Variants in STAG1 observed in about 807,000 individuals in gnomAD.
The protein encoded by STAG1 is cohesin subunit SA-1.
STAG1 carries 26 observed loss-of-function variants against 170.9 expected under a neutral mutation model. That is an observed-to-expected ratio of 0.15 (90% CI 0.11 to 0.21). The LOEUF (loss-of-function observed/expected upper bound fraction) is 0.21, where lower values mean the gene tolerates loss of function less well. Ranked by LOEUF, STAG1 falls within the 10% of genes least tolerant of loss-of-function variation. The pLI, the probability that STAG1 is intolerant of heterozygous loss-of-function variation, is 1.00. For synonymous variants in STAG1, 514 were observed against 497.7 expected (o/e 1.03, Z -0.44); for missense variants, 964 against 1,509.5 (o/e 0.64, Z 5.99).
At chr3:136,429,084 C>T (rs1316856025) in intron 16 of STAG1, among the ~76,000 whole-genome samples, 1 of 152,072 alleles carries the variant, frequency 6.6e-6, no homozygotes, top group East Asian at 1.9e-4. Context: ...TTGCAGTAAG[C>T]CCAGATAGCA....
rs574337614 is a variant in STAG1, at chr3:136,743,158, G to A, written c.-84+9037C>T. Among the ~76,000 whole-genome samples the A allele has an allele frequency of 9.9e-5, 15 of 152,252 alleles. No homozygotes were observed. The South Asian group carries it at 1.5e-3, about 15-fold the overall frequency. ...GAGAAGGGTGAACAGCTTGAGGCCAGGAATTCAAAACCAGTATGGCCAACA... is the reference window on the plus strand; with the variant it reads ...GAGAAGGGTGAACAGCTTGAGGCCAAGAATTCAAAACCAGTATGGCCAACA... On this transcript the variant is annotated intron_variant, in intron 1 of 33. Transcript: ENST00000383202.
At chr3:136,464,847 A>C (rs1253101014) in intron 13 of STAG1, 34 bp downstream of exon 13, 2 of 1,545,750 alleles carry the variant, frequency 1.3e-6, no homozygotes, top group Admixed American at 1.8e-5. Context: ...CAACATAGAA[A>C]AGTAGAACCG....
intron 1 of STAG1, among the ~76,000 whole-genome samples, chr3:136,711,736 T>C (rs970788110): frequency 6.6e-6 from 1 of 151,784 alleles, no homozygotes; most frequent in Admixed American, 6.6e-5. Context: ...CACTCCAGAG[T>C]GATGGCAAAA....
At chr3:136,750,405 A>T (rs1020023940) in intron 1 of STAG1, among the ~76,000 whole-genome samples, 2 of 152,180 alleles carry the variant, frequency 1.3e-5, no homozygotes, top group African/African-American at 4.8e-5. Flanking sequence ...TCGGTCCAGG[A>T]CCCACTCCTT....
In STAG1 at chr3:136,720,976, G is replaced by GTTTT. The variant is rs1056863329; in HGVS notation, c.-84+31218_-84+31219insAAAA. Among the ~76,000 whole-genome samples the GTTTT allele has an allele frequency of 1.2e-4, 19 of 152,110 alleles. 1 individual carries two copies. The highest frequency in any genetic ancestry group is 4.6e-4 in the African/African-American group (19 of 41,424). ...ATTACCAATACAAGTGACGCAGAGA[G>GTTTT]GTAAAAGTAATTTACAGAAGCACAT... On this transcript the variant is annotated intron_variant, in intron 1 of 33. Coordinates refer to ENST00000383202, the MANE Select transcript of STAG1 (RefSeq NM_005862.3).
At chr3:136,384,635 T>C (rs552275425) in intron 22 of STAG1, among the ~76,000 whole-genome samples, 3 of 152,122 alleles carry the variant, frequency 2.0e-5, no homozygotes, top group African/African-American at 7.2e-5. Flanking sequence ...CCAGACGTGA[T>C]GGCATACGCC....
At chr3:136,610,646 C>CT (rs890077989) in intron 3 of STAG1, among the ~76,000 whole-genome samples, 5 of 151,498 alleles carry the variant, frequency 3.3e-5, no homozygotes, top group Admixed American at 6.6e-5. Context: ...GAATTACAAA[C>CT]TTTTTTTTTA....
intron 21 of STAG1, chr3:136,417,562 A>G (rs955932690): frequency 3.7e-5 from 9 of 242,670 alleles, no homozygotes; most frequent in African/African-American, 1.6e-4. Flanking sequence ...CGGCTGGAAT[A>G]TACCCATCAT....
At chr3:136,651,734 A>C (rs1384049679) in intron 1 of STAG1, among the ~76,000 whole-genome samples, 1 of 152,176 alleles carries the variant, frequency 6.6e-6, no homozygotes, top group Non-Finnish European at 1.5e-5. Flanking sequence ...AAAAGAGCTC[A>C]AAGTACCTCA....
chr3:136,464,976 T>G lies in STAG1; in HGVS notation c.1218A>C (p.Glu406Asp). Reference sequence around the variant, plus strand: ...TTTCACAGTCTTCATTGGAAAGAGCTTCTTCACTTCCACTGAAAAATACAG... The same window carrying G: ...TTTCACAGTCTTCATTGGAAAGAGCGTCTTCACTTCCACTGAAAAATACAG... ...LVTLILHGSE[E>D]ALSNEDCENV... Residue 406 changes from glutamate to aspartate, a missense_variant, in exon 13 of 34, where the codon GAA (glutamate) becomes GAC (aspartate). By Grantham distance (45) the Glu-to-Asp change is conservative (BLOSUM62 2). Transcript: ENST00000383202. 1 of 1,607,134 alleles carries G rather than the reference T, an allele frequency of 6.2e-7. No individual in the cohort carries two copies. The highest frequency in any genetic ancestry group is 2.2e-5 in the East Asian group (1 of 44,696).
chr3:136,461,824 T>C (rs2089283179), intron 13 of STAG1, among the ~76,000 whole-genome samples: 1 of 152,086 alleles, frequency 6.6e-6, no homozygotes, highest in African/African-American at 2.4e-5. Flanking sequence ...AACCAGAATA[T>C]ATAAGGTACT....
At chr3:136,466,837 G>T (rs990547687) in intron 12 of STAG1, among the ~76,000 whole-genome samples, 5 of 152,146 alleles carry the variant, frequency 3.3e-5, no homozygotes, top group Non-Finnish European at 7.3e-5. Context: ...GAAGAGAGTG[G>T]AAGCCAACAT....
intron 1 of STAG1, among the ~76,000 whole-genome samples, chr3:136,700,418 CTT>C (rs775648320): frequency 7.1e-5 from 10 of 141,264 alleles, no homozygotes; most frequent in Admixed American, 7.2e-5. Context: ...ATTACTTCTT[CTT>C]TTTTTTTTTT....
At chr3:136,361,344 G>A (rs889121457) in intron 26 of STAG1, among the ~76,000 whole-genome samples, 2 of 152,074 alleles carry the variant, frequency 1.3e-5, no homozygotes, top group Non-Finnish European at 2.9e-5. Flanking sequence ...ACTATTTCCA[G>A]TTTGTTACTA....
chr3:136,557,693 C>T (rs570389578), intron 5 of STAG1, among the ~76,000 whole-genome samples: 2 of 152,198 alleles, frequency 1.3e-5, no homozygotes, highest in East Asian at 3.9e-4. Flanking sequence ...CAAGTGCCCA[C>T]CACCATGCCC....
intron 1 of STAG1, among the ~76,000 whole-genome samples, chr3:136,724,385 TA>T (rs1349718373): frequency 6.6e-6 from 1 of 151,274 alleles, no homozygotes; most frequent in Non-Finnish European, 1.5e-5. Flanking sequence ...TGCGCTTTGT[TA>T]AACAGATGCT....
chr3:136,666,107 A>C (rs1473918428), intron 1 of STAG1, among the ~76,000 whole-genome samples: 2 of 140,110 alleles, frequency 1.4e-5, no homozygotes, highest in Admixed American at 1.5e-4. Context: ...AAAAAAAAAA[A>C]AAAAGAAAGA....
At chr3:136,429,709 A>T (rs1412218766) in intron 16 of STAG1, among the ~76,000 whole-genome samples, 1 of 152,104 alleles carries the variant, frequency 6.6e-6, no homozygotes, top group East Asian at 1.9e-4. Context: ...AGTTACAGTG[A>T]GTGTACCTGC....
intron 1 of STAG1, among the ~76,000 whole-genome samples, chr3:136,633,710 A>AAG (rs1491192814): frequency 0.026 from 1,175 of 44,774 alleles, 249 homozygotes; most frequent in East Asian, 0.06. Context: ...TCAAAAAAAA[A>AAG]GGGGGGGGGG....
Sources: allele counts gnomAD v4.1 joint callset (sites outside exome capture counted in the v4.1 genomes callset), GRCh38; gene constraint gnomAD v4.1.1; transcripts MANE v1.5; gene names NCBI Gene and HGNC (gene_info 2026-07-23, HGNC 2026-07-21).